Variants in ASTN2 observed in about 807,000 individuals in gnomAD.
ASTN2 encodes the protein astrotactin 2.
A neutral mutation model predicts 139.8 loss-of-function variants in ASTN2; 54 were observed. That is an observed-to-expected ratio of 0.39 (90% CI 0.31 to 0.48). The LOEUF is 0.48. ASTN2 is among the 20% of genes least tolerant of loss of function. The pLI is 0.95. For missense variants in ASTN2, 1,565 were observed against 1,725.1 expected (o/e 0.91, Z 1.64); for synonymous variants, 756 against 719.5 (o/e 1.05, Z -0.81).
chr9:117,342,947 A>G (rs1829105732), intron 1 of ASTN2, among the ~76,000 whole-genome samples: 1 of 152,172 alleles, frequency 6.6e-6, no homozygotes, highest in African/African-American at 2.4e-5. Flanking sequence ...CAGAAGTCCC[A>G]TGGGAATTTC....
At chr9:117,175,005 C>T (rs1830881992) in intron 3 of ASTN2, among the ~76,000 whole-genome samples, 1 of 151,808 alleles carries the variant, frequency 6.6e-6, no homozygotes, top group Non-Finnish European at 1.5e-5. Flanking sequence ...AATTCAAATA[C>T]AAGATACAAA....
intron 11 of ASTN2, among the ~76,000 whole-genome samples, chr9:116,832,410 G>A (rs1352235327): frequency 6.6e-6 from 1 of 152,004 alleles, no homozygotes; most frequent in Non-Finnish European, 1.5e-5. Flanking sequence ...ATAACAGTGG[G>A]CAGAGTGAAT....
chr9:117,342,649 C>T (rs1009350670), intron 1 of ASTN2, among the ~76,000 whole-genome samples: 9 of 152,164 alleles, frequency 5.9e-5, no homozygotes, highest in Non-Finnish European at 1.0e-4. Context: ...GCTTCTTCAC[C>T]TACAAAATGA....
At chr9:117,329,964 C>T (rs758107122) in intron 1 of ASTN2, among the ~76,000 whole-genome samples, 5 of 152,144 alleles carry the variant, frequency 3.3e-5, no homozygotes, top group African/African-American at 4.8e-5. Context: ...TTCTTATTTT[C>T]CCATGAAGAA....
chr9:116,631,634 A>C (rs1250804994), intron 17 of ASTN2, among the ~76,000 whole-genome samples: 1 of 152,188 alleles, frequency 6.6e-6, no homozygotes, highest in Non-Finnish European at 1.5e-5. Flanking sequence ...AGTTAGAATG[A>C]ATAAGATCTG....
intron 16 of ASTN2, chr9:116,686,999 C>T (rs111482128): frequency 2.8e-6 from 4 of 1,415,964 alleles, no homozygotes; most frequent in South Asian, 1.5e-5. Context: ...TGGAGGCTAC[C>T]GTTTTGTGAA....
chr9:117,007,605 T>A (rs750391303), intron 7 of ASTN2, among the ~76,000 whole-genome samples: 1 of 152,218 alleles, frequency 6.6e-6, no homozygotes, highest in East Asian at 1.9e-4. Context: ...ATCACTGCTG[T>A]CTTCCCAATA....
At chr9:116,701,665 A>T (rs764467077) in intron 16 of ASTN2, among the ~76,000 whole-genome samples, 1 of 152,140 alleles carries the variant, frequency 6.6e-6, no homozygotes, top group Non-Finnish European at 1.5e-5. Flanking sequence ...TTAGATCTCT[A>T]CCCATCTAAA....
chr9:116,578,248 A>G (rs544292860), intron 19 of ASTN2, among the ~76,000 whole-genome samples: 108 of 152,266 alleles, frequency 7.1e-4, no homozygotes, highest in Admixed American at 1.6e-3. Context: ...TACTGTGTTG[A>G]ATTCCATTTG....
chr9:117,022,898 C>T (rs928626222), intron 6 of ASTN2, among the ~76,000 whole-genome samples: 2 of 151,946 alleles, frequency 1.3e-5, no homozygotes, highest in Non-Finnish European at 2.9e-5. Context: ...CCACCTGTCC[C>T]GGGTTCTCAG....
intron 1 of ASTN2, among the ~76,000 whole-genome samples, chr9:117,385,889 A>C (rs1830384238): frequency 6.6e-6 from 1 of 152,170 alleles, no homozygotes; most frequent in African/African-American, 2.4e-5. Context: ...AAGAGGATGA[A>C]GCTGGGGGTG....
At chr9:117,406,908 G>A (rs1320100722) in intron 1 of ASTN2, among the ~76,000 whole-genome samples, 1 of 149,946 alleles carries the variant, frequency 6.7e-6, no homozygotes, top group African/African-American at 2.5e-5. Context: ...ACAACACAGA[G>A]GGATAAAAGC....
At chr9:116,669,071 A>G (rs1859035278) in intron 16 of ASTN2, among the ~76,000 whole-genome samples, 3 of 152,186 alleles carry the variant, frequency 2.0e-5, no homozygotes, top group East Asian at 1.9e-4. Flanking sequence ...AGGACTAGCT[A>G]AAACAGGGTC....
intron 19 of ASTN2, among the ~76,000 whole-genome samples, chr9:116,516,324 A>G (rs561719122): frequency 1.3e-5 from 2 of 152,346 alleles, no homozygotes; most frequent in South Asian, 4.1e-4. Flanking sequence ...TGCTGGAGGT[A>G]GCAGCTAACA....
At chr9:116,529,990 G>A (rs193211220) in intron 19 of ASTN2, among the ~76,000 whole-genome samples, 9 of 150,664 alleles carry the variant, frequency 6.0e-5, no homozygotes, top group South Asian at 2.1e-4. Flanking sequence ...AAATCAGTAC[G>A]TCAAGGGGAT....
At chr9:116,937,909 C>CT (rs1835123272) in intron 10 of ASTN2, among the ~76,000 whole-genome samples, 1 of 152,188 alleles carries the variant, frequency 6.6e-6, no homozygotes. Context: ...TACACTGAAA[C>CT]TAAGCTCACA....
chr9:117,308,213 AAATCAATC>A (rs112764473), intron 1 of ASTN2, among the ~76,000 whole-genome samples: 98 of 150,360 alleles, frequency 6.5e-4, no homozygotes, highest in South Asian at 3.0e-3. Context: ...TGCTGGGGCA[AAATCAATC>A]AATCAATCAA....
At chr9:116,723,187 C>T (rs1828521971) in intron 16 of ASTN2, among the ~76,000 whole-genome samples, 1 of 152,008 alleles carries the variant, frequency 6.6e-6, no homozygotes, top group South Asian at 2.1e-4. Flanking sequence ...TGAGGGTTGA[C>T]CTCACACATT....
At chr9:117,350,483 G>T (rs559323424) in intron 1 of ASTN2, among the ~76,000 whole-genome samples, 164 of 152,120 alleles carry the variant, frequency 1.1e-3, no homozygotes, top group African/African-American at 3.6e-3. Context: ...CTGATAGGGG[G>T]GTGGTGGTTG....
Sources: gnomAD v4.1 joint callset for allele counts (sites outside exome capture counted in the v4.1 genomes callset) on GRCh38, gnomAD v4.1.1 for gene constraint, MANE v1.5 for transcripts, NCBI Gene and HGNC (gene_info 2026-07-23, HGNC 2026-07-21) for gene names.